Variants in MAP3K4 observed in about 807,000 individuals in gnomAD.
MAP3K4 encodes the protein MAP three kinase 1.
A neutral mutation model predicts 185.6 loss-of-function variants in MAP3K4; 67 were observed. That is an observed-to-expected ratio of 0.36 (90% CI 0.30 to 0.44). The LOEUF (loss-of-function observed/expected upper bound fraction) is 0.44, where lower values mean the gene tolerates loss of function less well. Ranked by LOEUF, MAP3K4 falls within the 20% of genes least tolerant of loss-of-function variation. The pLI, the probability that MAP3K4 is intolerant of heterozygous loss-of-function variation, is 1.00. For missense variants in MAP3K4, 1,551 were observed against 1,995.1 expected (o/e 0.78, Z 4.24); for synonymous variants, 702 against 710.4 (o/e 0.99, Z 0.19).
rs1384531839 is a variant in MAP3K4, at chr6:161,061,152, C to T, written c.1708-9456C>T. Among the ~76,000 whole-genome samples the T allele has an allele frequency of 6.6e-6, 1 of 152,216 alleles. No individual in the cohort carries two copies. The highest frequency in any genetic ancestry group is 1.5e-5 in the Non-Finnish European group (1 of 68,042). On this transcript the variant is annotated intron_variant, in intron 3 of 26. Transcript: ENST00000392142. The surrounding 1 kb of genome is among the most constrained non-coding windows in gnomAD (Gnocchi z 4.2). ...GAGAATTTTGCTTAATCTCTTCTGA[C>T]TTAATCCATATATCACCACCTTTCT...
rs9458083 is a variant in MAP3K4 at position 161,008,259 on chromosome 6, C to T, written c.152+16176C>T. Among the ~76,000 whole-genome samples the T allele has an allele frequency of 0.03, 4,632 of 152,116 alleles. 169 individuals carry two copies. Among genetic ancestry groups the T allele is most frequent in the African/African-American group, 0.084 (3,488 of 41,480 alleles). ...GATCTTAATTTAACCAGTCTTTTGT[C>T]GGACTCTTAGGATGTTTCTGTTTCT... On this transcript the variant is annotated intron_variant, in intron 1 of 26. Coordinates refer to ENST00000392142, the MANE Select transcript of MAP3K4 (RefSeq NM_005922.4). The surrounding 1 kb of genome is among the most constrained non-coding windows in gnomAD (Gnocchi z 4.1).
In MAP3K4 at chr6:161,111,730, C is replaced by T. The variant is rs958891764; in HGVS notation, c.4397-106C>T. The T allele has an allele frequency of 1.2e-5, 13 of 1,089,214 alleles. No homozygotes were observed. The African/African-American group carries it at 1.3e-4, about 11-fold the overall frequency. 67.5% of individuals were successfully genotyped at this position (1,089,214 alleles called of 1,614,324 possible). On this transcript the variant is annotated intron_variant, in intron 23 of 26. Transcript: ENST00000392142. ...TGTAAGTCAAGTTTCATAAGCCTTT[C>T]GATTGTTTAGCTTGTGAATGAAGTT...
intron 2 of MAP3K4, among the ~76,000 whole-genome samples, chr6:161,040,107 A>G (rs1390048890): frequency 6.6e-6 from 1 of 152,204 alleles, no homozygotes; most frequent in African/African-American, 2.4e-5. Flanking sequence ...CCTACCAACA[A>G]TGTATGAATA....
rs548120343 is a variant in MAP3K4, at chr6:161,022,538, C to G, written c.153-11721C>G. 1.3e-5 allele frequency among the ~76,000 whole-genome samples: 2 copies of G among 152,214 alleles called. No individual in the cohort carries two copies. The highest frequency in any genetic ancestry group is 4.1e-4 in the South Asian group (2 of 4,832). On this transcript the variant is annotated intron_variant, in intron 1 of 26. Transcript: ENST00000392142. This position sits in a 1 kb window ranked among gnomAD's most constrained non-coding sequence, Gnocchi z 4.2. Reference sequence around the variant, plus strand: ...GTCTCTCTCTCATGCTATGCTCTCTCTCCACCTGGAGGGACTTTGTCCCAC... The same window carrying G: ...GTCTCTCTCTCATGCTATGCTCTCTGTCCACCTGGAGGGACTTTGTCCCAC...
In MAP3K4 at chr6:161,073,514, C is replaced by A. The variant is rs1368587455; in HGVS notation, c.1999C>A (p.Gln667Lys). 1.2e-6 allele frequency: 2 copies of A among 1,613,232 alleles called. No homozygotes were observed. The highest frequency in any genetic ancestry group is 1.7e-6 in the Non-Finnish European group (2 of 1,179,552). Reference protein sequence around the residue: ...EVLKGGLLMKQYYQFMLQEVL... With the variant: ...EVLKGGLLMKKYYQFMLQEVL... ...CCTGAAGGGCGGCCTGCTGATGAAG[C>A]AGTACTACCAGTTCATGCTGCAGGA... is the stretch of plus-strand genomic sequence containing the variant. Residue 667 changes from glutamine (Q) to lysine (K), a missense_variant, in exon 5 of 27, where the codon CAG becomes AAG. By Grantham distance (53) the Gln-to-Lys change is moderately conservative. Around this residue, in one of 16 missense-constraint regions of MAP3K4, gnomAD observed 130 missense variants for 171.3 expected, o/e 0.76. Coordinates refer to ENST00000392142, the MANE Select transcript of MAP3K4 (RefSeq NM_005922.4). The surrounding 1 kb of genome is among the most constrained non-coding windows in gnomAD (Gnocchi z 4.2).
chr6:161,102,561 C>T, intron 18 of MAP3K4, 138 bp from the exon 19 acceptor site: 2 of 577,870 alleles, frequency 3.5e-6, no homozygotes. Context: ...GTTTCTCACA[C>T]CTACATCAAA....
In MAP3K4 at chr6:161,074,297, A is replaced by G. The variant is rs559140577; in HGVS notation, c.2097+685A>G. Among the ~76,000 whole-genome samples the G allele has an allele frequency of 2.6e-5, 4 of 152,342 alleles. No individual in the cohort carries two copies. In the East Asian group the frequency reaches 7.7e-4, roughly 29 times the overall value. On this transcript the variant is annotated intron_variant, in intron 5 of 26. Coordinates refer to ENST00000392142, the MANE Select transcript of MAP3K4 (RefSeq NM_005922.4). The surrounding 1 kb of genome is among the most constrained non-coding windows in gnomAD (Gnocchi z 5.0). ...AGTAGACCTATTTTTATTTTGTCATAAAAAGAGACCTCCTGTCTTCTCACT... is the reference window on the plus strand; with the variant it reads ...AGTAGACCTATTTTTATTTTGTCATGAAAAGAGACCTCCTGTCTTCTCACT...
At position 161,076,218 on chromosome 6, in the gene MAP3K4, A is replaced by C. The variant is rs1436078341; in HGVS notation, c.2097+2606A>C. Among the ~76,000 whole-genome samples, 1 of 152,220 alleles carries C rather than the reference A, an allele frequency of 6.6e-6. No homozygotes were observed. The highest frequency in any genetic ancestry group is 1.9e-4 in the East Asian group (1 of 5,194). ...GAGATTAACTAGAGCCTTGATATCT[A>C]GGGGTGTGACAGCCATGACCGAAGC... On this transcript the variant is annotated intron_variant, in intron 5 of 26. Transcript: ENST00000392142. The surrounding 1 kb of genome is among the most constrained non-coding windows in gnomAD (Gnocchi z 4.2).
chr6:161,003,923 T>G lies in MAP3K4; in HGVS notation c.152+11840T>G, dbSNP rs373628473. On this transcript the variant is annotated intron_variant, in intron 1 of 26. Coordinates refer to ENST00000392142, the MANE Select transcript of MAP3K4 (RefSeq NM_005922.4). ...CCATTTTTATAAATTAGATGGAATATCCACTCTTTCTTGAAAATAAGAGTT... is the reference window on the plus strand; with the variant it reads ...CCATTTTTATAAATTAGATGGAATAGCCACTCTTTCTTGAAAATAAGAGTT... Among the ~76,000 whole-genome samples, 5 of 83,578 alleles carry G rather than the reference T, an allele frequency of 6.0e-5. No individual in the cohort carries two copies. The South Asian group carries it at 1.2e-3, about 21-fold the overall frequency. The allele number at this position is 83,578 out of a possible 152,430, so 54.8% of individuals were successfully genotyped here. A position where few individuals can be genotyped will look rare whatever the true frequency, so the allele number is the denominator to read the frequency against.
intron 19 of MAP3K4, among the ~76,000 whole-genome samples, chr6:161,105,838 GTTT>G (rs5881392): frequency 3.8e-5 from 5 of 132,610 alleles, no homozygotes; most frequent in Admixed American, 7.6e-5. Context: ...TTGGTTTTTT[GTTT>G]TTTTTTTTTT....
At position 161,109,260 on chromosome 6, in the gene MAP3K4, A is replaced by G. The variant is rs1778240639; in HGVS notation, c.4236+401A>G. On this transcript the variant is annotated intron_variant, in intron 22 of 26. Transcript: ENST00000392142. This position sits in a 1 kb window ranked among gnomAD's most constrained non-coding sequence, Gnocchi z 5.7. ...GAAATGAGAGAAAATTCAAACCTCA[A>G]ATTGAGTTTCCTCCTTGTGTTTAGA... Among the ~76,000 whole-genome samples the G allele has an allele frequency of 1.3e-5, 2 of 152,212 alleles. No individual in the cohort carries two copies. Among genetic ancestry groups the G allele is most frequent in the African/African-American group, 2.4e-5 (1 of 41,436 alleles).
intron 23 of MAP3K4, among the ~76,000 whole-genome samples, 186 bp from the exon 24 acceptor site, chr6:161,111,650 T>C (rs1412586219): frequency 6.6e-6 from 1 of 152,222 alleles, no homozygotes; most frequent in Non-Finnish European, 1.5e-5. Flanking sequence ...AAAATTTTGT[T>C]GCTTTTTATT....
rs572404481 is a variant in MAP3K4 at position 161,112,179 on chromosome 6, C to T, written c.4519+221C>T. ...TTTTAGGTTACAGGAGAGAGGAAAG[C>T]CTCTTTTTCTCACCAGAACAACTCT... is the stretch of plus-strand genomic sequence containing the variant. On this transcript the variant is annotated intron_variant, in intron 24 of 26. Transcript: ENST00000392142. The surrounding 1 kb of genome is among the most constrained non-coding windows in gnomAD (Gnocchi z 5.1). Among the ~76,000 whole-genome samples, 1 of 147,626 alleles carries T rather than the reference C, an allele frequency of 6.8e-6. No homozygotes were observed. Among genetic ancestry groups the T allele is most frequent in the Non-Finnish European group, 1.5e-5 (1 of 66,974 alleles).
intron 1 of MAP3K4, among the ~76,000 whole-genome samples, chr6:161,003,562 A>G (rs1462632623): frequency 6.6e-6 from 1 of 152,216 alleles, no homozygotes; most frequent in Non-Finnish European, 1.5e-5. Context: ...GGTACCTGGC[A>G]TAGTCCTTTT....
At chr6:161,078,712 G>T (rs1785295643) in intron 5 of MAP3K4, among the ~76,000 whole-genome samples, 1 of 152,186 alleles carries the variant, frequency 6.6e-6, no homozygotes, top group Admixed American at 6.5e-5. Context: ...CTGAAGAAGT[G>T]TTCGGTGGGT....
chr6:161,073,284 C>G lies in MAP3K4; in HGVS notation c.1951-182C>G. ...TTTTATTTTCACTGTTTTGTTGCTT[C>G]TCAATTGAGACTACTAAGGTATTTA... On this transcript the variant is annotated intron_variant, in intron 4 of 26. Transcript: ENST00000392142. This position sits in a 1 kb window ranked among gnomAD's most constrained non-coding sequence, Gnocchi z 4.2. 2.2e-6 allele frequency: 1 copy of G among 449,238 alleles called. No homozygotes were observed. The highest frequency in any genetic ancestry group is 3.8e-6 in the Non-Finnish European group (1 of 260,086). The allele number at this position is 449,238 out of a possible 1,614,324, so 27.8% of individuals were successfully genotyped here.
rs111249443 is a variant in MAP3K4 at position 161,084,694 on chromosome 6, C to G, written c.2372+77C>G. ...CCTCATGGTGAGATCCTAGAAGGAG[C>G]CTTGTTCAAACCAAATTGTGTTGGC... is the stretch of plus-strand genomic sequence containing the variant. On this transcript the variant is annotated intron_variant, in intron 7 of 26. Transcript: ENST00000392142. The surrounding 1 kb of genome is among the most constrained non-coding windows in gnomAD (Gnocchi z 4.6). 3.8e-5 allele frequency: 33 copies of G among 867,546 alleles called. No homozygotes were observed. The highest frequency in any genetic ancestry group is 1.2e-4 in the South Asian group (8 of 65,444). The allele number at this position is 867,546 out of a possible 1,614,324, so 53.7% of individuals were successfully genotyped here. A position where few individuals can be genotyped will look rare whatever the true frequency, so the allele number is the denominator to read the frequency against.
At position 161,034,998 on chromosome 6, in the gene MAP3K4, G is replaced by A. The variant is rs990038503; in HGVS notation, c.343+549G>A. Among the ~76,000 whole-genome samples, 6 of 152,120 alleles carry A rather than the reference G, an allele frequency of 3.9e-5. No homozygotes were observed. Among genetic ancestry groups the A allele is most frequent in the African/African-American group, 7.2e-5 (3 of 41,422 alleles). Reference sequence around the variant, plus strand: ...TCTACTTTTCTCTTTATTTAGGATCGTAAAGTCCACATATTGCTCTATTAG... The same window carrying A: ...TCTACTTTTCTCTTTATTTAGGATCATAAAGTCCACATATTGCTCTATTAG... On this transcript the variant is annotated intron_variant, in intron 2 of 26. Coordinates refer to ENST00000392142, the MANE Select transcript of MAP3K4 (RefSeq NM_005922.4). The surrounding 1 kb of genome is among the most constrained non-coding windows in gnomAD (Gnocchi z 4.4).
intron 3 of MAP3K4, among the ~76,000 whole-genome samples, chr6:161,060,747 G>C (rs538421021): frequency 1.2e-3 from 189 of 151,370 alleles, no homozygotes; most frequent in African/African-American, 4.5e-3. Flanking sequence ...AGCCTCCTGA[G>C]TAGCTGGGAT....
Sources: allele counts gnomAD v4.1 joint callset (sites outside exome capture counted in the v4.1 genomes callset), GRCh38; gene constraint gnomAD v4.1.1; regional missense constraint gnomAD v4.1.1; non-coding constraint Gnocchi (gnomAD v3.1); transcripts MANE v1.5; gene names NCBI Gene and HGNC (gene_info 2026-07-23, HGNC 2026-07-21).